The following HERC1 variants were observed in gnomAD, a reference collection of about 807,000 sequenced individuals.
HERC1 encodes HECT and RLD domain containing E3 ubiquitin protein ligase family member 1, also known as probable E3 ubiquitin-protein ligase HERC1.
In HERC1, 160 loss-of-function variants were observed where a neutral mutation model predicts 554.3. The ratio of observed to expected loss-of-function variants is 0.29; its 90% CI spans 0.25 to 0.33. The LOEUF is 0.33. HERC1 is among the 10% of genes least tolerant of loss of function. The pLI is 1.00. For synonymous variants in HERC1, 2,175 were observed against 2,131.7 expected, an observed-to-expected ratio of 1.02 and a Z score of -0.56; for missense variants, 4,919 against 5,918.5, an observed-to-expected ratio of 0.83 and a Z score of 5.54.
At chr15:63,752,937 A>T in intron 8 of HERC1, 21 bp downstream of exon 8, 1 of 1,609,508 alleles carries the variant, frequency 6.2e-7, no homozygotes, top group Non-Finnish European at 8.5e-7. Context: ...TAAGTCTTTT[A>T]TACTCATCCC....
At chr15:63,786,718 T>C (rs1007594341) in intron 1 of HERC1, among the ~76,000 whole-genome samples, 3 of 152,052 alleles carry the variant, frequency 2.0e-5, no homozygotes, top group African/African-American at 7.2e-5. Flanking sequence ...TGCTTAGAGA[T>C]AGAAAGTAGA....
At chr15:63,629,934 C>G (rs1292293035) in intron 69 of HERC1, among the ~76,000 whole-genome samples, 1 of 152,128 alleles carries the variant, frequency 6.6e-6, no homozygotes, top group Admixed American at 6.5e-5. Context: ...ACATCAACCT[C>G]TTGAGTCTCT....
Position 63,786,397 on chromosome 15 carries a change from T to C in HERC1, c.-26-10748A>G, listed in dbSNP as rs577590495. On this transcript the variant is annotated intron_variant, in intron 1 of 77. Transcript: ENST00000443617. ...CCTTATGGCCCAACAATTCGACTCCTAGATCTATACCCAAGTGAACTGAAA... is the reference window on the plus strand; with the variant it reads ...CCTTATGGCCCAACAATTCGACTCCCAGATCTATACCCAAGTGAACTGAAA... 2.6e-5 allele frequency among the ~76,000 whole-genome samples: 4 copies of C among 152,124 alleles called. No individual in the cohort carries two copies. The South Asian group carries it at 8.3e-4, about 32-fold the overall frequency.
intron 1 of HERC1, among the ~76,000 whole-genome samples, chr15:63,791,788 C>T (rs938754301): frequency 6.6e-6 from 1 of 152,096 alleles, no homozygotes; most frequent in African/African-American, 2.4e-5. Context: ...TTTTTCCTTA[C>T]TAAGAATAAA....
At chr15:63,823,961 A>G (rs1361574429) in intron 1 of HERC1, among the ~76,000 whole-genome samples, 1 of 152,210 alleles carries the variant, frequency 6.6e-6, no homozygotes, top group Non-Finnish European at 1.5e-5. Context: ...GCAAAAAACA[A>G]AAATGAATAA....
At chr15:63,803,978 CCA>C (rs1206369236) in intron 1 of HERC1, among the ~76,000 whole-genome samples, 2 of 151,966 alleles carry the variant, frequency 1.3e-5, no homozygotes, top group Admixed American at 1.3e-4. Context: ...AGAAATAGAC[CCA>C]CATATATATG....
Position 63,747,861 on chromosome 15 carries a change from A to C in HERC1, c.2220-3T>G, listed in dbSNP as rs1362784851. 6.5e-7 allele frequency: 1 copy of C among 1,538,108 alleles called. No homozygotes were observed. Among genetic ancestry groups the C allele is most frequent in the East Asian group, 2.4e-5 (1 of 40,862 alleles). The stretch of plus-strand genomic sequence containing the variant: ...GTCGGTGCCATGCAACAACTTGTCT[A>C]GAAGGACACATAAGAAAATAATAAA... On this transcript the variant is annotated splice_region_variant and splice_polypyrimidine_tract_variant and intron_variant, in intron 10 of 77. Coordinates refer to ENST00000443617, the MANE Select transcript of HERC1 (RefSeq NM_003922.4).
chr15:63,756,315 A>G lies in HERC1; in HGVS notation c.1533+122T>C. On this transcript the variant is annotated intron_variant, in intron 5 of 77. Coordinates refer to ENST00000443617, the MANE Select transcript of HERC1 (RefSeq NM_003922.4). This position sits in a 1 kb window ranked among gnomAD's most constrained non-coding sequence, Gnocchi z 5.0. ...CTGTAAACTGTAAAGCAGAGATACA[A>G]AAGATTAAGCCAAAGGGTTGAAGGG... 2.7e-6 allele frequency: 2 copies of G among 746,274 alleles called. No individual in the cohort carries two copies. The highest frequency in any genetic ancestry group is 4.5e-6 in the Non-Finnish European group (2 of 440,468). 46.2% of individuals were successfully genotyped at this position (746,274 alleles called of 1,614,324 possible).
Position 63,749,888 on chromosome 15 carries a change from G to C in HERC1, c.1903-97C>G. The C allele has an allele frequency of 1.0e-6, 1 of 991,188 alleles. No individual in the cohort carries two copies. The highest frequency in any genetic ancestry group is 1.4e-6 in the Non-Finnish European group (1 of 704,568). 61.4% of individuals were successfully genotyped at this position (991,188 alleles called of 1,614,324 possible). A position where few individuals can be genotyped will look rare whatever the true frequency, so the allele number is the denominator to read the frequency against. On this transcript the variant is annotated intron_variant, in intron 8 of 77. Transcript: ENST00000443617. The surrounding 1 kb of genome is among the most constrained non-coding windows in gnomAD (Gnocchi z 4.1). ...AATCTATGAAACTAAAGTGTGGTTT[G>C]ATAGTAAATAACTTTCTGATGTTAA...
At chr15:63,793,353 T>C (rs971614584) in intron 1 of HERC1, among the ~76,000 whole-genome samples, 15 of 152,368 alleles carry the variant, frequency 9.8e-5, no homozygotes, top group South Asian at 4.1e-4. Flanking sequence ...AAGTGGCCTC[T>C]GGTAGTCCAT....
intron 55 of HERC1, among the ~76,000 whole-genome samples, chr15:63,646,431 CAT>C (rs2069342392): frequency 6.6e-6 from 1 of 150,484 alleles, no homozygotes; most frequent in Non-Finnish European, 1.5e-5. Context: ...AACAACAGAA[CAT>C]TAAGTCATAA....
At chr15:63,824,761 C>T (rs2077827450) in intron 1 of HERC1, among the ~76,000 whole-genome samples, 1 of 151,446 alleles carries the variant, frequency 6.6e-6, no homozygotes, top group Non-Finnish European at 1.5e-5. Flanking sequence ...TAGTATTCAG[C>T]TTTCAAAAAG....
intron 74 of HERC1, among the ~76,000 whole-genome samples, chr15:63,622,311 G>A (rs1414081085): frequency 2.7e-5 from 4 of 149,174 alleles, no homozygotes; most frequent in African/African-American, 7.4e-5. Flanking sequence ...AAGTCTTGAT[G>A]GAAGTGCCTG....
intron 1 of HERC1, among the ~76,000 whole-genome samples, chr15:63,778,445 C>G (rs1218153020): frequency 6.6e-6 from 1 of 151,972 alleles, no homozygotes; most frequent in African/African-American, 2.4e-5. Flanking sequence ...TTTAAAAAGA[C>G]AAGTGTTAAA....
intron 36 of HERC1, among the ~76,000 whole-genome samples, chr15:63,679,309 A>G (rs548954590): frequency 6.6e-6 from 1 of 152,372 alleles, no homozygotes; most frequent in East Asian, 1.9e-4. Context: ...GTTCTCAGCT[A>G]GCCTTAAATT....
intron 24 of HERC1, among the ~76,000 whole-genome samples, chr15:63,709,080 C>A (rs2073160969): frequency 6.6e-6 from 1 of 152,168 alleles, no homozygotes; most frequent in South Asian, 2.1e-4. Context: ...ACCTCCGCCT[C>A]CCAGATTCAA....
intron 63 of HERC1, 116 bp downstream of exon 63, chr15:63,638,295 A>C: frequency 9.2e-7 from 1 of 1,089,072 alleles, no homozygotes; most frequent in Non-Finnish European, 1.3e-6. Context: ...ACTTTCTTTA[A>C]TGATTCCTCA....
chr15:63,699,944 T>C (rs370337524), intron 25 of HERC1, among the ~76,000 whole-genome samples: 4 of 152,188 alleles, frequency 2.6e-5, no homozygotes, highest in South Asian at 2.1e-4. Flanking sequence ...ACTCTCATCA[T>C]TGGTCCATGC....
At chr15:63,732,842 G>T in intron 14 of HERC1, 82 bp downstream of exon 14, 1 of 882,148 alleles carries the variant, frequency 1.1e-6, no homozygotes. Flanking sequence ...TTCTATCATA[G>T]GTGTTTAAAT....
Sources: allele counts gnomAD v4.1 joint callset (sites outside exome capture counted in the v4.1 genomes callset), GRCh38; gene constraint gnomAD v4.1.1; non-coding constraint Gnocchi (gnomAD v3.1); transcripts MANE v1.5; gene names NCBI Gene and HGNC (gene_info 2026-07-23, HGNC 2026-07-21).